Variants in TSC2 observed in about 807,000 individuals in gnomAD.
TSC2 encodes the protein tuberin.
A neutral mutation model predicts 202.2 loss-of-function variants in TSC2; 29 were observed. That is an observed-to-expected ratio of 0.14 (90% CI 0.11 to 0.20). The LOEUF is 0.20. TSC2 is among the 10% of genes least tolerant of loss of function. The pLI, the probability that TSC2 is intolerant of heterozygous loss-of-function variation, is 1.00. For missense variants in TSC2, 2,429 were observed against 2,420.0 expected, an observed-to-expected ratio of 1.00 and a Z score of -0.08; for synonymous variants, 1,349 against 1,044.0, an observed-to-expected ratio of 1.29 and a Z score of -5.63.
At chr16:2,070,400 C>A in intron 16 of TSC2, 56 bp from the exon 17 acceptor site, 1 of 1,612,988 alleles carries the variant, frequency 6.2e-7, no homozygotes, top group Middle Eastern at 1.7e-4. Flanking sequence ...AGGGTGCTGT[C>A]TTAGGACTGC....
intron 30 of TSC2, chr16:2,080,781 G>A (rs2090052199): frequency 4.4e-6 from 1 of 227,094 alleles, no homozygotes; most frequent in Non-Finnish European, 8.9e-6. Flanking sequence ...ACCGCGCCCA[G>A]CCATTTGGGG....
In TSC2 at chr16:2,084,319, A is replaced by T; in HGVS notation, c.4097A>T (p.Glu1366Val). Residue 1366 changes from glutamate to valine, a missense_variant, in exon 34 of 42, where the codon GAG becomes GTG. Glu to Val is a moderately radical substitution (Grantham distance 121). Coordinates refer to ENST00000219476, the MANE Select transcript of TSC2 (RefSeq NM_000548.5). ...CCCATCGAGCGAGTCGTCTCCTCGG[A>T]GGGTGGCCGGCCCTCTGTGGACCTC... ...GIPIERVVSS[E>V]GGRPSVDLSF... The T allele has an allele frequency of 6.2e-7, 1 of 1,612,684 alleles. No homozygotes were observed. Among genetic ancestry groups the T allele is most frequent in the East Asian group, 2.2e-5 (1 of 44,876 alleles).
At chr16:2,054,256 C>T (rs201915802) in intron 4 of TSC2, 40 bp from the exon 5 acceptor site, 33 of 1,613,796 alleles carry the variant, frequency 2.0e-5, no homozygotes, top group East Asian at 1.1e-4. Context: ...GTGTGGGCGA[C>T]GCTGGCAGGC....
At chr16:2,052,739 G>A (rs959012124) in intron 3 of TSC2, among the ~76,000 whole-genome samples, 1 of 152,232 alleles carries the variant, frequency 6.6e-6, no homozygotes, top group Non-Finnish European at 1.5e-5. Flanking sequence ...CCCCTGCCGA[G>A]TGAGACTGAT....
chr16:2,081,827 G>T (rs1246114467), intron 31 of TSC2, 29 bp downstream of exon 31: 1 of 1,608,890 alleles, frequency 6.2e-7, no homozygotes, highest in Non-Finnish European at 8.5e-7. Flanking sequence ...CTTGGCACGG[G>T]CTCTGCTCCC....
Position 2,053,357 on chromosome 16 carries a change from C to T in TSC2, c.241C>T (p.Leu81Phe). The change falls in exon 4 of 42, where the codon CTC becomes TTC. Residue 81 changes from leucine (L) to phenylalanine (F), a missense_variant. Transcript: ENST00000219476. ...KKFEEHAVEA[L>F]WKAVADLLQP... is the part of the protein sequence containing the mutation. ...CTGGTGACAGCACGCAGTGGAAGCA[C>T]TCTGGAAGGCGGTCGCGGATCTGTT... 1 of 1,586,698 alleles carries T rather than the reference C, an allele frequency of 6.3e-7. No homozygotes were observed. The highest frequency in any genetic ancestry group is 8.6e-7 in the Non-Finnish European group (1 of 1,167,532).
At chr16:2,080,640 C>A (rs112784562) in intron 30 of TSC2, 2 of 484,158 alleles carry the variant, frequency 4.1e-6, no homozygotes, top group Non-Finnish European at 7.5e-6. Context: ...CCCGCCACCA[C>A]GCCTGGCCAA....
chr16:2,088,398 G>C (rs550230895), intron 41 of TSC2, 48 bp from the exon 42 acceptor site: 2 of 1,612,496 alleles, frequency 1.2e-6, no homozygotes, highest in Non-Finnish European at 1.7e-6. Flanking sequence ...TGGGCAGAGC[G>C]GTTGCCACGC....
At chr16:2,071,152 C>T (rs1223286287) in intron 17 of TSC2, among the ~76,000 whole-genome samples, 1 of 152,144 alleles carries the variant, frequency 6.6e-6, no homozygotes, top group African/African-American at 2.4e-5. Flanking sequence ...TTCAGCCTGT[C>T]GATGGAAGAA....
At chr16:2,067,484 G>T (rs2087552929) in intron 16 of TSC2, among the ~76,000 whole-genome samples, 2 of 151,292 alleles carry the variant, frequency 1.3e-5, no homozygotes, top group African/African-American at 4.8e-5. Flanking sequence ...TAAAAACCAG[G>T]CATCAGCCGG....
In TSC2 at chr16:2,077,718, G is replaced by T. The variant is rs1114167464; in HGVS notation, c.2958G>T (p.Val986=). 1 of 1,612,656 alleles carries T rather than the reference G, an allele frequency of 6.2e-7. No homozygotes were observed. Among genetic ancestry groups the T allele is most frequent in the Non-Finnish European group, 8.5e-7 (1 of 1,180,030 alleles). ...RCRSISVSEH[V]VRSRIQTSLT... ...GCAGCATCAGTGTGTCTGAACATGT[G>T]GTCCGCAGGTAGCGGGACTGTCGGG... Residue 986 remains valine, a synonymous_variant, in exon 26 of 42, where the codon GTG becomes GTT. Coordinates refer to ENST00000219476, the MANE Select transcript of TSC2 (RefSeq NM_000548.5).
chr16:2,089,469 A>ATT lies in TSC2; in HGVS notation c.*860_*861dup. ...TGTACCTGAGGACTCGGGGAAATAA[A>ATT]TTAGCATCTCAGAGGCTAGAAACCG... On this transcript the variant is annotated 3_prime_UTR_variant, in exon 42 of 42. Transcript: ENST00000219476. 2 of 553,788 alleles carry ATT rather than the reference A, an allele frequency of 3.6e-6. No individual in the cohort carries two copies. The highest frequency in any genetic ancestry group is 6.4e-6 in the Non-Finnish European group (2 of 310,330). The allele number at this position is 553,788 out of a possible 1,614,324, so 34.3% of individuals were successfully genotyped here.
chr16:2,055,724 C>T (rs1390675560), intron 6 of TSC2: 14 of 539,736 alleles, frequency 2.6e-5, no homozygotes, highest in Non-Finnish European at 4.7e-5. Context: ...AACCCTGTCT[C>T]TACTAAAAAT....
At chr16:2,081,913 T>A in intron 31 of TSC2, 115 bp downstream of exon 31, 1 of 1,385,502 alleles carries the variant, frequency 7.2e-7, no homozygotes, top group African/African-American at 1.4e-5. Context: ...GAGTGGTCCC[T>A]GGCCTGCCTC....
At position 2,080,264 on chromosome 16, in the gene TSC2, C is replaced by G. The variant is rs762650392; in HGVS notation, c.3497C>G (p.Pro1166Arg). ...PGPRTAPAAK[P>R]EKASAGTRVP... The stretch of plus-strand genomic sequence containing the variant: ...CCACGGACTGCACCAGCCGCGAAAC[C>G]TGAGAAGGCCTCAGCTGGCACCCGG... Residue 1166 changes from proline to arginine, a missense_variant, in exon 30 of 42, where the codon CCT (proline) becomes CGT (arginine). Coordinates refer to ENST00000219476, the MANE Select transcript of TSC2 (RefSeq NM_000548.5). 2 of 1,612,994 alleles carry G rather than the reference C, an allele frequency of 1.2e-6. No homozygotes were observed. Among genetic ancestry groups the G allele is most frequent in the East Asian group, 2.2e-5 (1 of 44,878 alleles).
At chr16:2,055,076 C>A in intron 5 of TSC2, 1 of 428,796 alleles carries the variant, frequency 2.3e-6, no homozygotes, top group Non-Finnish European at 4.4e-6. Context: ...GGGTGGGGAA[C>A]GCCCAGGAGT....
At chr16:2,081,380 A>C in intron 30 of TSC2, 1 of 639,732 alleles carries the variant, frequency 1.6e-6, no homozygotes, top group Non-Finnish European at 2.8e-6. Flanking sequence ...CGCTGCTCTG[A>C]GGTGCCTGGC....
chr16:2,062,852 GC>G, intron 13 of TSC2, 119 bp from the exon 14 acceptor site: 6 of 1,151,496 alleles, frequency 5.2e-6, no homozygotes, highest in Non-Finnish European at 6.3e-6. Context: ...AGAGCTCTGT[GC>G]CCTGTGTGCC....
Position 2,087,956 on chromosome 16 carries a change from G to C in TSC2, c.5068+15G>C, listed in dbSNP as rs1452209083. The C allele has an allele frequency of 6.2e-7, 1 of 1,605,186 alleles. No individual in the cohort carries two copies. The highest frequency in any genetic ancestry group is 8.5e-7 in the Non-Finnish European group (1 of 1,174,496). ...GTGCAGGAAAGGTAGGGCCGGGTGG[G>C]GCCCTGCAGTGCAGGAAAGGTAGGG... On this transcript the variant is annotated intron_variant, in intron 39 of 41. Transcript: ENST00000219476.
Sources: allele counts gnomAD v4.1 joint callset (sites outside exome capture counted in the v4.1 genomes callset), GRCh38; gene constraint gnomAD v4.1.1; transcripts MANE v1.5; gene names NCBI Gene and HGNC (gene_info 2026-07-23, HGNC 2026-07-21).